Variants in LINGO2 observed in about 807,000 individuals in gnomAD.
LINGO2 encodes the protein leucine-rich repeat and immunoglobulin-like domain-containing nogo receptor-interacting protein 2.
Under a neutral mutation model 30.6 loss-of-function variants are expected in LINGO2, and 14 were observed. The observed-to-expected ratio is 0.46, with a 90% CI of 0.30 to 0.72. LINGO2 has a LOEUF of 0.72. Among genes scored for constraint, LINGO2 ranks in the 30% least tolerant of loss-of-function variants. The pLI, the probability that LINGO2 is intolerant of heterozygous loss-of-function variation, is 0.07. For synonymous variants in LINGO2, 317 were observed against 288.5 expected, an observed-to-expected ratio of 1.10 and a Z score of -1.00; for missense variants, 729 against 751.7, an observed-to-expected ratio of 0.97 and a Z score of 0.35.
the LINGO2 span, among the ~76,000 whole-genome samples, chr9:29,037,083 T>C: frequency 2.0e-5 from 3 of 151,898 alleles, no homozygotes; most frequent in African/African-American, 7.2e-5. Context: ...GCTTACTCTT[T>C]TTTTTGTCTG....
In LINGO2 at chr9:28,310,236, A is replaced by T. The variant is rs536436013; in HGVS notation, c.-245-14870T>A. Among the ~76,000 whole-genome samples, 4 of 152,314 alleles carry T rather than the reference A, an allele frequency of 2.6e-5. No individual in the cohort carries two copies. In the East Asian group the frequency reaches 7.7e-4, roughly 29 times the overall value. ...ATATGACATACAAACACTTGTCCAC[A>T]GTCGTTCCTAGAAACTTTTTTGGCA... On this transcript the variant is annotated intron_variant, in intron 3 of 5. Transcript: ENST00000379992.
intron 1 of LINGO2, among the ~76,000 whole-genome samples, chr9:28,545,953 T>C (rs1261191255): frequency 1.3e-5 from 2 of 152,112 alleles, no homozygotes; most frequent in Non-Finnish European, 2.9e-5. Flanking sequence ...TACAGTTTTC[T>C]GTAGAAAATA....
At chr9:29,078,100 T>C in the LINGO2 span, among the ~76,000 whole-genome samples, 1 of 151,992 alleles carries the variant, frequency 6.6e-6, no homozygotes, top group Admixed American at 6.6e-5. Context: ...TTATTAACAT[T>C]AATTTTGATA....
At chr9:28,908,968 T>A in the LINGO2 span, among the ~76,000 whole-genome samples, 3 of 151,938 alleles carry the variant, frequency 2.0e-5, no homozygotes, top group Non-Finnish European at 4.4e-5. Context: ...ATATAGATAT[T>A]TTAGGTTGCA....
the LINGO2 span, among the ~76,000 whole-genome samples, chr9:28,796,086 C>T: frequency 7.3e-6 from 1 of 137,902 alleles, no homozygotes; most frequent in Non-Finnish European, 1.6e-5. Flanking sequence ...CTAAATAGTG[C>T]ACAAAAAAAA....
At chr9:29,197,955 G>C in the LINGO2 span, among the ~76,000 whole-genome samples, 1 of 152,024 alleles carries the variant, frequency 6.6e-6, no homozygotes, top group Admixed American at 6.6e-5. Flanking sequence ...AGTAGTGAGT[G>C]AATTTAACTA....
upstream of LINGO2, among the ~76,000 whole-genome samples, chr9:28,674,641 CT>C: frequency 6.6e-6 from 1 of 152,222 alleles, no homozygotes; most frequent in African/African-American, 2.4e-5. Flanking sequence ...AAAACATATA[CT>C]ATATGACATC....
At chr9:29,005,831 T>A in the LINGO2 span, among the ~76,000 whole-genome samples, 1 of 152,166 alleles carries the variant, frequency 6.6e-6, no homozygotes, top group Non-Finnish European at 1.5e-5. Flanking sequence ...TGTTCAAGGG[T>A]CAACTGTAGG....
the LINGO2 span, among the ~76,000 whole-genome samples, chr9:28,875,164 T>C: frequency 6.6e-3 from 1,006 of 152,258 alleles, 7 homozygotes; most frequent in Non-Finnish European, 0.011. Context: ...CCTATCTTTT[T>C]ATTTTGAAAA....
At chr9:28,462,881 T>C (rs980800566) in intron 2 of LINGO2, among the ~76,000 whole-genome samples, 1 of 152,076 alleles carries the variant, frequency 6.6e-6, no homozygotes, top group Non-Finnish European at 1.5e-5. Flanking sequence ...AAATTACCCA[T>C]CATAGGATTT....
chr9:29,121,000 A>G, the LINGO2 span, among the ~76,000 whole-genome samples: 1 of 152,186 alleles, frequency 6.6e-6, no homozygotes, highest in East Asian at 1.9e-4. Flanking sequence ...AAGTGTCATA[A>G]TCTTCACCTG....
chr9:29,037,064 C>G, the LINGO2 span, among the ~76,000 whole-genome samples: 3 of 151,296 alleles, frequency 2.0e-5, 1 homozygote, highest in Non-Finnish European at 4.4e-5. Context: ...TCATCTATAC[C>G]TTTTCTCTGC....
At chr9:28,054,380 G>C (rs1432220752) in intron 4 of LINGO2, among the ~76,000 whole-genome samples, 1 of 152,102 alleles carries the variant, frequency 6.6e-6, no homozygotes, top group African/African-American at 2.4e-5. Context: ...GATGCCGAAA[G>C]ATCAGTAGTA....
At chr9:28,037,052 C>T (rs1277116292) in intron 4 of LINGO2, among the ~76,000 whole-genome samples, 6 of 152,170 alleles carry the variant, frequency 3.9e-5, no homozygotes, top group African/African-American at 1.4e-4. Flanking sequence ...ATCCATGCTG[C>T]TGCTTGGCTT....
chr9:28,574,462 A>T (rs1223052032), intron 1 of LINGO2, among the ~76,000 whole-genome samples: 2 of 152,146 alleles, frequency 1.3e-5, no homozygotes, highest in Admixed American at 6.6e-5. Context: ...TTGAGATCTA[A>T]TGTTGTCTAT....
chr9:28,893,065 A>G, the LINGO2 span, among the ~76,000 whole-genome samples: 2 of 151,996 alleles, frequency 1.3e-5, no homozygotes, highest in Non-Finnish European at 2.9e-5. Flanking sequence ...AGATCCAAAT[A>G]TTTTAAACGT....
chr9:27,989,026 A>G (rs1182432253), intron 5 of LINGO2, among the ~76,000 whole-genome samples: 1 of 151,902 alleles, frequency 6.6e-6, no homozygotes, highest in African/African-American at 2.4e-5. Flanking sequence ...ACCACTGCTC[A>G]CCAACCTGAG....
At chr9:28,199,343 T>TCCTCCTCCTCCTCCTCCTC (rs1820134629) in intron 4 of LINGO2, among the ~76,000 whole-genome samples, 1 of 128,802 alleles carries the variant, frequency 7.8e-6, no homozygotes, top group African/African-American at 2.7e-5. Context: ...TTCTTCTTCT[T>TCCTCCTCCTCCTCCTCCTC]CTTTTTTTTT....
chr9:28,591,356 C>T (rs1036112737), intron 1 of LINGO2, among the ~76,000 whole-genome samples: 1 of 151,918 alleles, frequency 6.6e-6, no homozygotes, highest in Non-Finnish European at 1.5e-5. Context: ...TCCTGTTCTG[C>T]TTACTTGCAG....
Sources: allele counts gnomAD v4.1 joint callset (sites outside exome capture counted in the v4.1 genomes callset), GRCh38; gene constraint gnomAD v4.1.1; transcripts MANE v1.5; gene names NCBI Gene and HGNC (gene_info 2026-07-23, HGNC 2026-07-21).